BNC2: variants seen among roughly 807,000 people sequenced by gnomAD.
BNC2 encodes the protein zinc finger protein basonuclin-2.
A neutral mutation model predicts 76.3 loss-of-function variants in BNC2; 20 were observed. The observed-to-expected ratio is 0.26, with a 90% CI of 0.18 to 0.38. The LOEUF is 0.38. Ranked by LOEUF, BNC2 falls within the 10% of genes least tolerant of loss-of-function variation. The pLI, the probability that BNC2 is intolerant of heterozygous loss-of-function variation, is 1.00. For synonymous variants in BNC2, 582 were observed against 514.8 expected, an observed-to-expected ratio of 1.13 and a Z score of -1.77; for missense variants, 1,382 against 1,399.8, an observed-to-expected ratio of 0.99 and a Z score of 0.20.
intron 3 of BNC2, among the ~76,000 whole-genome samples, chr9:16,604,092 G>A (rs1173653416): frequency 1.3e-5 from 2 of 152,094 alleles, no homozygotes; most frequent in Non-Finnish European, 2.9e-5. Context: ...CAAGATAGAT[G>A]TTCAATTCTC....
rs148538253 is a variant in BNC2, at chr9:16,458,849, A to G, written c.670-21325T>C. On this transcript the variant is annotated intron_variant, in intron 5 of 6. Coordinates refer to ENST00000380672, the MANE Select transcript of BNC2 (RefSeq NM_017637.6). ...ACTTAATTACTCCATCACTCAGTGC[A>G]CACATGAAGCCCTGAAACCACATTT... is the stretch of plus-strand genomic sequence containing the variant. 9.6e-3 allele frequency among the ~76,000 whole-genome samples: 1,460 copies of G among 152,348 alleles called. 31 individuals carry two copies. Among genetic ancestry groups the G allele is most frequent in the African/African-American group, 0.033 (1,351 of 41,568 alleles).
intron 6 of BNC2, among the ~76,000 whole-genome samples, chr9:16,420,475 C>G: frequency 6.6e-6 from 1 of 151,768 alleles, no homozygotes. Flanking sequence ...AAAAATAAAA[C>G]CCACCCACCT....
Position 16,419,418 on chromosome 9 carries a change from G to A in BNC2, c.2871C>T (p.Tyr957=). The change falls in exon 7 of 7, where the codon TAC becomes TAT. Residue 957 remains tyrosine (Y), a synonymous_variant. Transcript: ENST00000380672. ...NGYGRGMAED[Y]MVLDLSTTSS... ...AGGTGGTGCTCAAGTCAAGGACCAT[G>A]TAGTCCTCTGCCATGCCTCTCCCAT... 1 of 1,605,992 alleles carries A rather than the reference G, an allele frequency of 6.2e-7. No homozygotes were observed. The highest frequency in any genetic ancestry group is 1.3e-5 in the African/African-American group (1 of 74,810).
chr9:16,474,859 C>G (rs771936075), intron 5 of BNC2, among the ~76,000 whole-genome samples: 1 of 152,080 alleles, frequency 6.6e-6, no homozygotes, highest in Non-Finnish European at 1.5e-5. Flanking sequence ...ATGATGAACA[C>G]CACATGGTGG....
chr9:16,867,742 T>C (rs1819577439), intron 1 of BNC2: 1 of 147,282 alleles, frequency 6.8e-6, no homozygotes, highest in Admixed American at 6.8e-5. Flanking sequence ...TCTTCTTTTC[T>C]GAACAGCTGT....
At chr9:16,703,910 CACAT>C (rs1315529058) in intron 3 of BNC2, among the ~76,000 whole-genome samples, 1 of 152,026 alleles carries the variant, frequency 6.6e-6, no homozygotes, top group African/African-American at 2.4e-5. Context: ...CACTCACACA[CACAT>C]ACAAGTATAT....
At chr9:16,732,394 T>C (rs997959270) in intron 2 of BNC2, among the ~76,000 whole-genome samples, 28 of 152,188 alleles carry the variant, frequency 1.8e-4, no homozygotes, top group African/African-American at 6.3e-4. Context: ...AAAAACCTCA[T>C]TGAGTTCTAT....
At chr9:16,780,442 G>A (rs1041465760) in intron 1 of BNC2, among the ~76,000 whole-genome samples, 2 of 151,074 alleles carry the variant, frequency 1.3e-5, no homozygotes, top group South Asian at 2.1e-4. Flanking sequence ...CGTAGTGGCG[G>A]GCGCCTGTAG....
At chr9:16,678,261 C>CTTTCTCTTTTT (rs1473647913) in intron 3 of BNC2, among the ~76,000 whole-genome samples, 22 of 75,886 alleles carry the variant, frequency 2.9e-4, no homozygotes, top group East Asian at 1.9e-3. Flanking sequence ...TGTTTTCTTT[C>CTTTCTCTTTTT]TTTTTCTTTT....
At chr9:16,470,781 T>C (rs1821805885) in intron 5 of BNC2, among the ~76,000 whole-genome samples, 1 of 152,192 alleles carries the variant, frequency 6.6e-6, no homozygotes, top group African/African-American at 2.4e-5. Context: ...TGGAAACACC[T>C]GGATGCCCTG....
At chr9:16,791,397 G>T (rs1312623647) in intron 1 of BNC2, among the ~76,000 whole-genome samples, 1 of 152,122 alleles carries the variant, frequency 6.6e-6, no homozygotes, top group Admixed American at 6.6e-5. Flanking sequence ...ACTGAAACTT[G>T]GACTGTGTTG....
intron 5 of BNC2, among the ~76,000 whole-genome samples, chr9:16,549,083 A>C (rs866491359): frequency 2.8e-4 from 43 of 152,268 alleles, no homozygotes; most frequent in South Asian, 4.1e-4. Flanking sequence ...TAACCTCTTA[A>C]ACCACATACT....
intron 3 of BNC2, among the ~76,000 whole-genome samples, chr9:16,716,653 T>C (rs1460813586): frequency 6.6e-6 from 1 of 152,216 alleles, no homozygotes; most frequent in African/African-American, 2.4e-5. Context: ...GACGTATTAC[T>C]ACAGTACAGA....
chr9:16,775,158 G>C (rs1825929648), intron 1 of BNC2, among the ~76,000 whole-genome samples: 1 of 152,154 alleles, frequency 6.6e-6, no homozygotes, highest in Non-Finnish European at 1.5e-5. Flanking sequence ...AGACCTGGGG[G>C]TAGGGGCCCA....
intron 5 of BNC2, among the ~76,000 whole-genome samples, chr9:16,541,741 T>G (rs1448717075): frequency 6.6e-6 from 1 of 152,186 alleles, no homozygotes. Flanking sequence ...GACTTCATAT[T>G]AACAGACTCT....
At chr9:16,611,892 A>G (rs1478949645) in intron 3 of BNC2, among the ~76,000 whole-genome samples, 1 of 152,162 alleles carries the variant, frequency 6.6e-6, no homozygotes, top group Non-Finnish European at 1.5e-5. Context: ...AACAAAATAA[A>G]TAACTCGAGG....
At chr9:16,629,804 T>G (rs1359592127) in intron 3 of BNC2, among the ~76,000 whole-genome samples, 1 of 152,244 alleles carries the variant, frequency 6.6e-6, no homozygotes, top group Non-Finnish European at 1.5e-5. Flanking sequence ...AACAATCGTC[T>G]GAGCCTTCAG....
chr9:16,519,401 C>A (rs562246081), intron 5 of BNC2, among the ~76,000 whole-genome samples: 1 of 152,178 alleles, frequency 6.6e-6, no homozygotes, highest in African/African-American at 2.4e-5. Flanking sequence ...TCAAATCAAC[C>A]TTAGCAGATT....
chr9:16,742,371 T>C (rs992383755), intron 1 of BNC2, among the ~76,000 whole-genome samples: 3 of 152,214 alleles, frequency 2.0e-5, no homozygotes, highest in Admixed American at 6.5e-5. Context: ...GCAATTGTGG[T>C]CCAAAGTCAC....
Sources: allele counts gnomAD v4.1 joint callset (sites outside exome capture counted in the v4.1 genomes callset), GRCh38; gene constraint gnomAD v4.1.1; transcripts MANE v1.5; gene names NCBI Gene and HGNC (gene_info 2026-07-23, HGNC 2026-07-21).